PCDHGA12: variants seen among roughly 807,000 people sequenced by gnomAD.
PCDHGA12 encodes protocadherin gamma subfamily A, 12, also known as protocadherin gamma-A12.
PCDHGA12 carries 43 observed loss-of-function variants against 61.1 expected under a neutral mutation model. The ratio of observed to expected loss-of-function variants is 0.70; its 90% confidence interval spans 0.55 to 0.91. The LOEUF is 0.91. PCDHGA12 is among the 40% of genes least tolerant of loss of function. The pLI, the probability that PCDHGA12 is intolerant of heterozygous loss-of-function variation, is 0.00. For missense variants in PCDHGA12, 1,236 were observed against 1,227.7 expected (o/e 1.01, Z -0.10); for synonymous variants, 520 against 542.9 (o/e 0.96, Z 0.59).
chr5:141,486,894 C>T lies in PCDHGA12; in HGVS notation c.2425-7913C>T. 1 of 1,614,228 alleles carries T rather than the reference C, an allele frequency of 6.2e-7. No homozygotes were observed. Among genetic ancestry groups the T allele is most frequent in the Non-Finnish European group, 8.5e-7 (1 of 1,180,052 alleles). On this transcript the variant is annotated intron_variant, in intron 1 of 3. Transcript: ENST00000252085. The surrounding 1 kb of genome is among the most constrained non-coding windows in gnomAD (Gnocchi z 5.0). ...CTCCGTCCTCGGGCCCGGCCTGGTT[C>T]CTTATGTCCCCAAGCACTGCCTCCA...
At position 141,511,481 on chromosome 5, in the gene PCDHGA12, ACTC is replaced by A. The variant is rs2154594681; in HGVS notation, c.*313_*315del. On this transcript the variant is annotated 3_prime_UTR_variant, in exon 4 of 4. Coordinates refer to ENST00000252085, the MANE Select transcript of PCDHGA12 (RefSeq NM_003735.3). ...CCACACCCCGTTTAGTTACAGCTGAACTCCTCCATCTTCCAAATCAATCAGGCC... is the reference window on the plus strand; with the variant it reads ...CCACACCCCGTTTAGTTACAGCTGAACTCCATCTTCCAAATCAATCAGGCC... 2 of 464,080 alleles carry A rather than the reference ACTC, an allele frequency of 4.3e-6. No individual in the cohort carries two copies. The highest frequency in any genetic ancestry group is 7.7e-6 in the Non-Finnish European group (2 of 260,856). The allele number at this position is 464,080 out of a possible 1,614,324, so 28.7% of individuals were successfully genotyped here.
chr5:141,511,560 T>C lies in PCDHGA12; in HGVS notation c.*387T>C. ...CCACCCCACTCCAACAGTTCCTCTT[T>C]CCCGAGTAAGGTGGTTGGGGTGTTG... On this transcript the variant is annotated 3_prime_UTR_variant, in exon 4 of 4. Coordinates refer to ENST00000252085, the MANE Select transcript of PCDHGA12 (RefSeq NM_003735.3). The C allele has an allele frequency of 3.3e-6, 1 of 298,990 alleles. No homozygotes were observed. The highest frequency in any genetic ancestry group is 3.7e-5 in the South Asian group (1 of 27,250). The allele number at this position is 298,990 out of a possible 1,614,324, so 18.5% of individuals were successfully genotyped here.
intron 1 of PCDHGA12, among the ~76,000 whole-genome samples, chr5:141,472,445 C>T (rs2099280467): frequency 6.6e-6 from 1 of 151,956 alleles, no homozygotes; most frequent in Non-Finnish European, 1.5e-5. Flanking sequence ...GAGGCTGAGG[C>T]AGGAGAATCG....
chr5:141,434,072 A>G lies in PCDHGA12; in HGVS notation c.2424+889A>G, dbSNP rs558084143. On this transcript the variant is annotated intron_variant, in intron 1 of 3. Coordinates refer to ENST00000252085, the MANE Select transcript of PCDHGA12 (RefSeq NM_003735.3). ...CAATGGCCTGTAATCTGTTAATATC[A>G]ATTATTTATTTTGATGCTGAAATTG... Among the ~76,000 whole-genome samples the G allele has an allele frequency of 1.9e-3, 289 of 152,072 alleles. 1 individual carries two copies. Among genetic ancestry groups the G allele is most frequent in the African/African-American group, 6.7e-3 (276 of 41,486 alleles).
intron 2 of PCDHGA12, among the ~76,000 whole-genome samples, chr5:141,504,179 A>C (rs1247627456): frequency 6.6e-6 from 1 of 152,240 alleles, no homozygotes; most frequent in Non-Finnish European, 1.5e-5. Context: ...AATTCAAAAA[A>C]ATCATGAAAA....
intron 1 of PCDHGA12, among the ~76,000 whole-genome samples, chr5:141,450,088 C>T (rs1358812478): frequency 1.3e-5 from 2 of 148,484 alleles, no homozygotes; most frequent in East Asian, 2.0e-4. Context: ...CTCACTGCAA[C>T]CTCCGCCTCC....
chr5:141,498,509 C>T (rs2099784058), intron 2 of PCDHGA12, among the ~76,000 whole-genome samples: 1 of 151,740 alleles, frequency 6.6e-6, no homozygotes, highest in East Asian at 1.9e-4. Flanking sequence ...TCCCTCCCCA[C>T]CATCTTGCCC....
At chr5:141,458,308 A>G (rs1363472724) in intron 1 of PCDHGA12, among the ~76,000 whole-genome samples, 1 of 152,196 alleles carries the variant, frequency 6.6e-6, no homozygotes, top group Non-Finnish European at 1.5e-5. Context: ...AGATAAAATG[A>G]CACAGACACA....
intron 1 of PCDHGA12, among the ~76,000 whole-genome samples, chr5:141,461,958 G>C (rs1048690044): frequency 4.5e-4 from 69 of 152,272 alleles, no homozygotes; most frequent in Non-Finnish European, 2.9e-4. Context: ...TGAGTAGCTG[G>C]GATTCCAGGC....
Position 141,475,143 on chromosome 5 carries a change from T to TC in PCDHGA12, c.2425-19662dup, listed in dbSNP as rs372338581. On this transcript the variant is annotated intron_variant, in intron 1 of 3. Transcript: ENST00000252085. ...GGCTTTTTTTCTTTTTGAAATCTTC[T>TC]CCGTCTTCTTCTTCATTAGCAGTGC... Among the ~76,000 whole-genome samples the TC allele has an allele frequency of 4.9e-3, 751 of 152,356 alleles. 5 individuals carry two copies. Among genetic ancestry groups the TC allele is most frequent in the Non-Finnish European group, 6.5e-3 (439 of 68,034 alleles).
chr5:141,440,905 C>A (rs986711694), intron 1 of PCDHGA12: 1 of 152,184 alleles, frequency 6.6e-6, no homozygotes, highest in East Asian at 1.9e-4. Context: ...TGCATCCGGG[C>A]ACTCCTGTGC....
chr5:141,500,114 G>A (rs72790070), intron 2 of PCDHGA12, among the ~76,000 whole-genome samples: 10,550 of 151,670 alleles, frequency 0.07, 640 homozygotes, highest in African/African-American at 0.16. Flanking sequence ...TTGAATCCCT[G>A]CCTTTTCATA....
chr5:141,511,361 G>C lies in PCDHGA12; in HGVS notation c.*188G>C, dbSNP rs2099883750. 7.4e-7 allele frequency: 1 copy of C among 1,345,388 alleles called. No individual in the cohort carries two copies. Among genetic ancestry groups the C allele is most frequent in the Non-Finnish European group, 9.9e-7 (1 of 1,006,550 alleles). The allele number at this position is 1,345,388 out of a possible 1,614,324, so 83.3% of individuals were successfully genotyped here. On this transcript the variant is annotated 3_prime_UTR_variant, in exon 4 of 4. Transcript: ENST00000252085. ...CCTACCCCTTCCCCCCCAGGGGGTTGAATATGCAAAAGCAGTTCCGCTGGG... is the reference window on the plus strand; with the variant it reads ...CCTACCCCTTCCCCCCCAGGGGGTTCAATATGCAAAAGCAGTTCCGCTGGG...
intron 1 of PCDHGA12, among the ~76,000 whole-genome samples, chr5:141,460,987 ATATATATATGTG>A (rs2099005819): frequency 1.1e-5 from 1 of 92,944 alleles, no homozygotes; most frequent in Admixed American, 9.9e-5. Flanking sequence ...GTGTGTGTAT[ATATATATATGTG>A]TATATATATA....
rs2154586601 is a variant in PCDHGA12, at chr5:141,491,555, A to G, written c.2425-3252A>G. The G allele has an allele frequency of 6.2e-7, 1 of 1,613,986 alleles. No homozygotes were observed. The highest frequency in any genetic ancestry group is 2.2e-5 in the East Asian group (1 of 44,862). ...CTGCGGCCCACAGACTCGCAGAGCC[A>G]CTGCTACAGGACGTGCTTTTCACCG... On this transcript the variant is annotated intron_variant, in intron 1 of 3. Transcript: ENST00000252085. This position sits in a 1 kb window ranked among gnomAD's most constrained non-coding sequence, Gnocchi z 6.9.
intron 1 of PCDHGA12, among the ~76,000 whole-genome samples, chr5:141,451,429 G>A (rs577699188): frequency 1.3e-3 from 195 of 152,306 alleles, no homozygotes; most frequent in African/African-American, 4.5e-3. Flanking sequence ...TAGACTAAGG[G>A]TTCCAGTTCC....
chr5:141,504,315 A>G (rs573050088), intron 2 of PCDHGA12, among the ~76,000 whole-genome samples: 1 of 152,248 alleles, frequency 6.6e-6, no homozygotes, highest in East Asian at 1.9e-4. Flanking sequence ...AGTTTCTAAA[A>G]GTCTCACTTA....
chr5:141,485,239 C>T lies in PCDHGA12; in HGVS notation c.2425-9568C>T. ...GGGCTACCCTTTTGTTCCTCTTTTA[C>T]CACCTGGGTTACGTTTGTGGGCAGA... On this transcript the variant is annotated intron_variant, in intron 1 of 3. Transcript: ENST00000252085. This position sits in a 1 kb window ranked among gnomAD's most constrained non-coding sequence, Gnocchi z 5.7. The T allele has an allele frequency of 6.2e-7, 1 of 1,614,140 alleles. No homozygotes were observed. Among genetic ancestry groups the T allele is most frequent in the South Asian group, 1.1e-5 (1 of 91,072 alleles).
Position 141,501,940 on chromosome 5 carries a change from C to T in PCDHGA12, c.2484-3453C>T, listed in dbSNP as rs565207980. Among the ~76,000 whole-genome samples the T allele has an allele frequency of 2.6e-5, 4 of 152,250 alleles. No individual in the cohort carries two copies. In the East Asian group the frequency reaches 7.7e-4, roughly 29 times the overall value. On this transcript the variant is annotated intron_variant, in intron 2 of 3. Transcript: ENST00000252085. ...CAGCTTTGTTCCCTCAACACCACTG[C>T]TCCCTGTGACAGGTCATCCTCCTAA...
Sources: allele counts gnomAD v4.1 joint callset (sites outside exome capture counted in the v4.1 genomes callset), GRCh38; gene constraint gnomAD v4.1.1; non-coding constraint Gnocchi (gnomAD v3.1); transcripts MANE v1.5; gene names NCBI Gene and HGNC (gene_info 2026-07-23, HGNC 2026-07-21).